Variants in PRMT8 observed in about 807,000 individuals in gnomAD.
The protein encoded by PRMT8 is protein arginine methyltransferase 8.
PRMT8 carries 7 observed loss-of-function variants against 47.1 expected under a neutral mutation model. The ratio of observed to expected loss-of-function variants is 0.15; its 90% confidence interval spans 0.08 to 0.28. PRMT8 has a LOEUF of 0.28. PRMT8 is among the 10% of genes least tolerant of loss of function. The probability of loss-of-function intolerance (pLI) is 1.00; values close to 1 mark genes in which losing one functional copy is unlikely to be tolerated. For synonymous variants in PRMT8, 188 were observed against 186.5 expected (o/e 1.01, Z -0.07); for missense variants, 237 against 505.4 (o/e 0.47, Z 5.09).
At chr12:3,556,932 T>A (rs574978307) in intron 4 of PRMT8, among the ~76,000 whole-genome samples, 1 of 152,046 alleles carries the variant, frequency 6.6e-6, no homozygotes, top group Non-Finnish European at 1.5e-5. Context: ...GCCTTTGCCT[T>A]GGGGCAGGGA....
At chr12:3,396,567 T>G (rs1460501412) in intron 1 of PRMT8, among the ~76,000 whole-genome samples, 1 of 152,268 alleles carries the variant, frequency 6.6e-6, no homozygotes, top group Non-Finnish European at 1.5e-5. Flanking sequence ...TTGTAGAGTT[T>G]CTGCCGAAAG....
At position 3,462,140 on chromosome 12, in the gene PRMT8, G is replaced by A. The variant is rs891742838; in HGVS notation, c.49-78466G>A. 1.3e-4 allele frequency among the ~76,000 whole-genome samples: 20 copies of A among 151,928 alleles called. No individual in the cohort carries two copies. The East Asian group carries it at 1.9e-3, about 15-fold the overall frequency. On this transcript the variant is annotated intron_variant, in intron 1 of 9. Transcript: ENST00000452611. Reference sequence around the variant, plus strand: ...TGCCCACTTATAAGTGAGAACTTGCGGTATTTGGTTTTCTGTTCTTGTGTT... The same window carrying A: ...TGCCCACTTATAAGTGAGAACTTGCAGTATTTGGTTTTCTGTTCTTGTGTT...
Position 3,403,415 on chromosome 12 carries a change from C to T in PRMT8, c.48+21973C>T, listed in dbSNP as rs187229180. ...ATCTGTGCAGCAAACCACCAGGGCA[C>T]ACGTTTAACAATGTAACAAACCTGC... On this transcript the variant is annotated intron_variant, in intron 1 of 9. Transcript: ENST00000452611. Among the ~76,000 whole-genome samples the T allele has an allele frequency of 1.1e-3, 166 of 150,678 alleles. 2 individuals are homozygous for T. The highest frequency in any genetic ancestry group is 3.0e-3 in the Admixed American group (45 of 15,060).
At chr12:3,484,475 T>C (rs1451759728) in intron 1 of PRMT8, among the ~76,000 whole-genome samples, 1 of 152,216 alleles carries the variant, frequency 6.6e-6, no homozygotes, top group Non-Finnish European at 1.5e-5. Context: ...TGTGTCTCTG[T>C]CTGCTATGGT....
At position 3,564,558 on chromosome 12, in the gene PRMT8, C is replaced by A. The variant is rs933649332; in HGVS notation, c.482-4148C>A. 6.6e-6 allele frequency among the ~76,000 whole-genome samples: 1 copy of A among 152,226 alleles called. No individual in the cohort carries two copies. The highest frequency in any genetic ancestry group is 1.5e-5 in the Non-Finnish European group (1 of 68,042). ...AGTTTTCCCAATTTAGAGTCTATTG[C>A]TCCCTGCTGTGCATTTAGTTCTGAT... On this transcript the variant is annotated intron_variant, in intron 4 of 9. Coordinates refer to ENST00000382622, the MANE Select transcript of PRMT8 (RefSeq NM_019854.5). This position sits in a 1 kb window ranked among gnomAD's most constrained non-coding sequence, Gnocchi z 4.0.
chr12:3,591,404 GC>G (rs1867300161), intron 8 of PRMT8, among the ~76,000 whole-genome samples: 1 of 132,872 alleles, frequency 7.5e-6, no homozygotes, highest in South Asian at 2.4e-4. Flanking sequence ...GGCAGGGAAA[GC>G]TCTTTTTTTT....
At chr12:3,457,124 T>C (rs761707057) in intron 1 of PRMT8, among the ~76,000 whole-genome samples, 6 of 152,134 alleles carry the variant, frequency 3.9e-5, no homozygotes, top group Admixed American at 2.0e-4. Context: ...GGAGGTGCTG[T>C]TTGGTGTCTG....
intron 1 of PRMT8, among the ~76,000 whole-genome samples, chr12:3,494,930 A>T (rs562068627): frequency 6.6e-6 from 1 of 152,266 alleles, no homozygotes; most frequent in South Asian, 2.1e-4. Flanking sequence ...CATGGCAAAC[A>T]CGCAATAGTG....
intron 1 of PRMT8, among the ~76,000 whole-genome samples, chr12:3,467,108 C>T (rs547410678): frequency 4.6e-5 from 7 of 151,820 alleles, no homozygotes; most frequent in South Asian, 2.1e-4. Context: ...GGCGTGGTGG[C>T]GGGTGCCTGT....
chr12:3,576,549 A>C lies in PRMT8; in HGVS notation c.713-322A>C, dbSNP rs1866947923. Among the ~76,000 whole-genome samples the C allele has an allele frequency of 6.6e-6, 1 of 151,762 alleles. No individual in the cohort carries two copies. The highest frequency in any genetic ancestry group is 2.4e-5 in the African/African-American group (1 of 41,052). On this transcript the variant is annotated intron_variant, in intron 6 of 9. Transcript: ENST00000382622. This position sits in a 1 kb window ranked among gnomAD's most constrained non-coding sequence, Gnocchi z 4.0. ...TGGCTTGGGGAGGGGACAGGAAGGAAGAGTCAGCTAGCCTGGGTTCTAGTC... is the reference window on the plus strand; with the variant it reads ...TGGCTTGGGGAGGGGACAGGAAGGACGAGTCAGCTAGCCTGGGTTCTAGTC...
rs374852407 is a variant in PRMT8 at position 3,557,089 on chromosome 12, G to A, written c.481+3375G>A. ...AAAAAGAGAGAAGGTGAAGGGAGGT[G>A]AGTCCTGGAATGAGAGGGAAGGAGG... On this transcript the variant is annotated intron_variant, in intron 4 of 9. Coordinates refer to ENST00000382622, the MANE Select transcript of PRMT8 (RefSeq NM_019854.5). This position sits in a 1 kb window ranked among gnomAD's most constrained non-coding sequence, Gnocchi z 4.7. Among the ~76,000 whole-genome samples, 1 of 151,936 alleles carries A rather than the reference G, an allele frequency of 6.6e-6. No individual in the cohort carries two copies. Among genetic ancestry groups the A allele is most frequent in the African/African-American group, 2.4e-5 (1 of 41,342 alleles).
chr12:3,577,445 G>A (rs1384737784), intron 7 of PRMT8, among the ~76,000 whole-genome samples: 1 of 151,946 alleles, frequency 6.6e-6, no homozygotes, highest in African/African-American at 2.4e-5. Context: ...AGAGCTTCCA[G>A]CTGCCCCTTC....
In PRMT8 at chr12:3,514,541, T is replaced by TAACAC. The variant is rs1381731869; in HGVS notation, c.75+22842_75+22846dup. ...TGCCTCCAAGTGGAATGTAAATACA[T>TAACAC]AACACGTGGAGCCTTTTTTCTGAGT... is the stretch of plus-strand genomic sequence containing the variant. On this transcript the variant is annotated intron_variant, in intron 1 of 9. Coordinates refer to ENST00000382622, the MANE Select transcript of PRMT8 (RefSeq NM_019854.5). The surrounding 1 kb of genome is among the most constrained non-coding windows in gnomAD (Gnocchi z 5.9). Among the ~76,000 whole-genome samples, 1 of 152,178 alleles carries TAACAC rather than the reference T, an allele frequency of 6.6e-6. No homozygotes were observed. The highest frequency in any genetic ancestry group is 1.5e-5 in the Non-Finnish European group (1 of 68,028).
chr12:3,431,494 AG>A (rs1478690256), intron 1 of PRMT8, among the ~76,000 whole-genome samples: 2 of 152,150 alleles, frequency 1.3e-5, no homozygotes, highest in East Asian at 1.9e-4. Context: ...AAGGAGTCAG[AG>A]GGGGAAGAGC....
At chr12:3,388,841 G>T (rs748686873) in intron 1 of PRMT8, among the ~76,000 whole-genome samples, 1 of 152,148 alleles carries the variant, frequency 6.6e-6, no homozygotes, top group African/African-American at 2.4e-5. Context: ...AATTTATTTC[G>T]TCTCTCAAGT....
At chr12:3,505,653 A>G (rs115311690) in intron 1 of PRMT8, among the ~76,000 whole-genome samples, 2,579 of 152,346 alleles carry the variant, frequency 0.017, 73 homozygotes, top group African/African-American at 0.056. Flanking sequence ...TGAAATTTGC[A>G]GAGTTTCATT....
intron 8 of PRMT8, among the ~76,000 whole-genome samples, chr12:3,588,668 G>T (rs1038141144): frequency 6.6e-6 from 1 of 152,246 alleles, no homozygotes; most frequent in Non-Finnish European, 1.5e-5. Context: ...TGAATGCACT[G>T]CACTAGGAAT....
intron 8 of PRMT8, among the ~76,000 whole-genome samples, chr12:3,586,462 C>G (rs776917445): frequency 2.0e-5 from 3 of 152,222 alleles, no homozygotes; most frequent in Non-Finnish European, 4.4e-5. Flanking sequence ...CTCCCTTTTG[C>G]ACAGAATTCT....
intron 3 of PRMT8, 114 bp from the exon 4 acceptor site, chr12:3,553,537 C>T (rs1293705006): frequency 2.1e-5 from 19 of 885,022 alleles, no homozygotes; most frequent in Middle Eastern, 2.2e-4. Context: ...GTGATGCAGC[C>T]GTGGGCAAGT....
Sources: gnomAD v4.1 joint callset for allele counts (sites outside exome capture counted in the v4.1 genomes callset) on GRCh38, gnomAD v4.1.1 for gene constraint, Gnocchi (gnomAD v3.1) non-coding constraint, MANE v1.5 for transcripts, NCBI Gene and HGNC (gene_info 2026-07-23, HGNC 2026-07-21) for gene names.